NAGK: variants seen among roughly 807,000 people sequenced by gnomAD.
NAGK encodes the protein N-acetylglucosamine kinase, also known as N-acetyl-D-glucosamine kinase.
NAGK carries 35 observed loss-of-function variants against 42.9 expected under a neutral mutation model. The observed-to-expected ratio is 0.82, with a 90% CI of 0.62 to 1.08. The LOEUF (loss-of-function observed/expected upper bound fraction) is 1.08, where lower values mean the gene tolerates loss of function less well. Among genes scored for constraint, NAGK ranks in the 50% least tolerant of loss-of-function variants. The pLI is 0.00. For missense variants in NAGK, 446 were observed against 446.0 expected (o/e 1.00, Z 0.00); for synonymous variants, 172 against 176.0 (o/e 0.98, Z 0.18).
intron 1 of NAGK, chr2:71,069,134 G>A: frequency 1.0e-6 from 1 of 997,456 alleles, no homozygotes; most frequent in Non-Finnish European, 1.2e-6. Flanking sequence ...CTTGGCTGAG[G>A]TTATCCGGGA....
intron 3 of NAGK, 109 bp downstream of exon 3, chr2:71,070,948 T>C: frequency 3.7e-6 from 4 of 1,092,434 alleles, no homozygotes; most frequent in Non-Finnish European, 4.1e-6. Context: ...CTCCAAGACT[T>C]AGTCCCTGGT....
chr2:71,075,427 A>T, intron 6 of NAGK, 128 bp from the exon 7 acceptor site: 2 of 663,848 alleles, frequency 3.0e-6, no homozygotes, highest in Non-Finnish European at 5.4e-6. Flanking sequence ...AAATCCCTGT[A>T]CTTTGGAGTT....
upstream of NAGK, chr2:71,068,365 G>A (rs985249282): frequency 3.3e-6 from 3 of 904,458 alleles, no homozygotes; most frequent in Non-Finnish European, 3.1e-6. Context: ...GGGTCCGACC[G>A]ACCTAGATAC....
chr2:71,076,602 A>G lies in NAGK; in HGVS notation c.668-2A>G, dbSNP rs752303789. 3.1e-5 allele frequency: 50 copies of G among 1,609,018 alleles called. No homozygotes were observed. Among genetic ancestry groups the G allele is most frequent in the Admixed American group, 1.0e-4 (6 of 59,930 alleles). Reference sequence around the variant, plus strand: ...TTCCTTCTTCCGTCCTCCCTACCCCAGGTGCTCAGCAGGGAGACCCCCTTT... The same window carrying G: ...TTCCTTCTTCCGTCCTCCCTACCCCGGGTGCTCAGCAGGGAGACCCCCTTT... On this transcript the variant is annotated splice_acceptor_variant, in intron 7 of 9. Transcript: ENST00000244204. LOFTEE classifies it high-confidence loss of function.
Position 71,068,780 on chromosome 2 carries a change from A to G in NAGK, c.29+68A>G, listed in dbSNP as rs1052863712. ...GCGGAAGGCCGTGGCCAGCCTGGCA[A>G]GCTGGTGGCCTTGATCCTCGGCGTC... On this transcript the variant is annotated intron_variant, in intron 1 of 9. Transcript: ENST00000244204. The G allele has an allele frequency of 2.6e-5, 37 of 1,433,814 alleles. 1 individual carries two copies. The East Asian group carries it at 3.9e-4, about 15-fold the overall frequency. The allele number at this position is 1,433,814 out of a possible 1,614,324, so 88.8% of individuals were successfully genotyped here.
Position 71,073,488 on chromosome 2 carries a change from G to A in NAGK, c.473G>A (p.Trp158Ter), listed in dbSNP as rs771806259. 1.5e-5 allele frequency: 24 copies of A among 1,613,302 alleles called. No homozygotes were observed. The South Asian group carries it at 2.5e-4, about 17-fold the overall frequency. ...CCCTCTCTGCTCCCTGCAGCCTACT[G>A]GATCGCACACCAAGCAGTGAAAATA... is the stretch of plus-strand genomic sequence containing the variant. ...HMMGDEGSAY[W>*]IAHQAVKIVF... The change falls in exon 6 of 10, where the codon TGG becomes TAG. Residue 158 changes from tryptophan (W) to a stop codon, truncating the protein, a stop_gained. Transcript: ENST00000244204. LOFTEE classifies it high-confidence loss of function.
intron 7 of NAGK, chr2:71,075,981 G>T (rs1047808120): frequency 3.1e-6 from 1 of 326,930 alleles, no homozygotes; most frequent in Non-Finnish European, 5.8e-6. Context: ...AAGAACTAGG[G>T]GATTATAGAG....
chr2:71,072,626 A>G lies in NAGK; in HGVS notation c.356-15A>G, dbSNP rs374907398. The G allele has an allele frequency of 1.9e-6, 3 of 1,608,072 alleles. No individual in the cohort carries two copies. Among genetic ancestry groups the G allele is most frequent in the East Asian group, 2.2e-5 (1 of 44,832 alleles). On this transcript the variant is annotated splice_polypyrimidine_tract_variant and intron_variant, in intron 4 of 9. Coordinates refer to ENST00000244204, the MANE Select transcript of NAGK (RefSeq NM_017567.6). ...AGGCCTCGGCCACACTGAGCCTCCT[A>G]TTCCCTTTCCCCAGGTGGAGTTGTG...
At chr2:71,078,237 C>T (rs1035120061) in intron 9 of NAGK, 81 bp from the exon 10 acceptor site, 27 of 1,412,116 alleles carry the variant, frequency 1.9e-5, no homozygotes, top group African/African-American at 1.7e-4. Flanking sequence ...AGGGTCTGGG[C>T]GTCCTTGTCT....
intron 8 of NAGK, among the ~76,000 whole-genome samples, chr2:71,077,086 G>A (rs760074571): frequency 3.3e-5 from 5 of 151,968 alleles, no homozygotes; most frequent in Non-Finnish European, 5.9e-5. Flanking sequence ...AGTGATTCTC[G>A]TATCTCAGCC....
rs191537177 is a variant in NAGK, at chr2:71,071,987, C to A, written c.355+160C>A. Reference sequence around the variant, plus strand: ...TTTAAGTCTCTGCCAGAGCAAGGACCAGGCAGCAGGAGGAAGGGCAAGAAA... The same window carrying A: ...TTTAAGTCTCTGCCAGAGCAAGGACAAGGCAGCAGGAGGAAGGGCAAGAAA... On this transcript the variant is annotated intron_variant, in intron 4 of 9. Coordinates refer to ENST00000244204, the MANE Select transcript of NAGK (RefSeq NM_017567.6). Among the ~76,000 whole-genome samples, 47 of 152,288 alleles carry A rather than the reference C, an allele frequency of 3.1e-4. 1 individual carries two copies. In the East Asian group the frequency reaches 7.3e-3, roughly 24 times the overall value.
intron 8 of NAGK, among the ~76,000 whole-genome samples, chr2:71,077,254 G>A (rs948284387): frequency 2.6e-5 from 4 of 152,160 alleles, no homozygotes; most frequent in East Asian, 3.8e-4. Context: ...GAGCCACCGC[G>A]CCCAGCCTGT....
rs779412590 is a variant in NAGK, at chr2:71,068,723, C to T, written c.29+11C>T. 10 of 1,457,052 alleles carry T rather than the reference C, an allele frequency of 6.9e-6. No homozygotes were observed. In the African/African-American group the frequency reaches 1.2e-4, roughly 18 times the overall value. The allele number at this position is 1,457,052 out of a possible 1,614,324, so 90.3% of individuals were successfully genotyped here. ...TGGGGGTGTAGAGGGGTGAGTGCGG[C>T]CCGGCGGAGGGAGCCTGGGCCCGAA... On this transcript the variant is annotated intron_variant, in intron 1 of 9. Coordinates refer to ENST00000244204, the MANE Select transcript of NAGK (RefSeq NM_017567.6).
rs995873707 is a variant in NAGK at position 71,078,526 on chromosome 2, C to T, written c.*18C>T. On this transcript the variant is annotated 3_prime_UTR_variant, in exon 10 of 10. Transcript: ENST00000244204. ...TTTCCTAGGGGGCTGGTCCCGGCTC[C>T]ACCCCCTCCAAGCTCAGTGGACACT... 1.3e-6 allele frequency: 2 copies of T among 1,501,398 alleles called. No individual in the cohort carries two copies. Among genetic ancestry groups the T allele is most frequent in the Non-Finnish European group, 1.8e-6 (2 of 1,118,766 alleles). 93.0% of individuals were successfully genotyped at this position (1,501,398 alleles called of 1,614,324 possible).
intron 1 of NAGK, 174 bp downstream of exon 1, chr2:71,068,886 C>G (rs1671893107): frequency 7.5e-7 from 1 of 1,340,396 alleles, no homozygotes; most frequent in Admixed American, 4.1e-5. Context: ...AGCTGTATGC[C>G]TTACGGGGAC....
In NAGK at chr2:71,070,597, C is replaced by T. The variant is rs2103693009; in HGVS notation, c.114+11C>T. 1 of 1,611,956 alleles carries T rather than the reference C, an allele frequency of 6.2e-7. No homozygotes were observed. Among genetic ancestry groups the T allele is most frequent in the Non-Finnish European group, 8.5e-7 (1 of 1,178,038 alleles). ...AGCACAAACCACTGGGTAAAAACCA[C>T]ACTGAGGGGATCAGAGGGCTTGGTT... On this transcript the variant is annotated intron_variant, in intron 2 of 9. Coordinates refer to ENST00000244204, the MANE Select transcript of NAGK (RefSeq NM_017567.6).
chr2:71,069,070 T>C, intron 1 of NAGK: 1 of 1,034,728 alleles, frequency 9.7e-7, no homozygotes, highest in South Asian at 3.7e-5. Flanking sequence ...AGGTGTGAAA[T>C]TGCTGAGCGC....
chr2:71,070,774 A>G lies in NAGK; in HGVS notation c.148A>G (p.Asn50Asp). 6.2e-7 allele frequency: 1 copy of G among 1,614,180 alleles called. No homozygotes were observed. The highest frequency in any genetic ancestry group is 8.5e-7 in the Non-Finnish European group (1 of 1,180,008). The change falls in exon 3 of 10, where the codon AAT becomes GAT. Residue 50 changes from asparagine to aspartate, a missense_variant. Physicochemically the swap from Asn to Asp is conservative, Grantham distance 23 (BLOSUM62 1). Transcript: ENST00000244204. ...GACAGACAAGTGTGTGGAGAGGATC[A>G]ATGAGATGGTGAACAGGGCCAAACG... Reference protein sequence around the residue: ...IGTDKCVERINEMVNRAKRKA... With the variant: ...IGTDKCVERIDEMVNRAKRKA...
chr2:71,068,510 G>A (rs1014846277), upstream of NAGK: 3 of 1,436,964 alleles, frequency 2.1e-6, 1 homozygote, highest in South Asian at 4.2e-5. Context: ...GAGGGACGCA[G>A]CCATCCCCGG....
Sources: allele counts gnomAD v4.1 joint callset (sites outside exome capture counted in the v4.1 genomes callset), GRCh38; gene constraint gnomAD v4.1.1; transcripts MANE v1.5; gene names NCBI Gene and HGNC (gene_info 2026-07-23, HGNC 2026-07-21).